The following HPS5 variants were observed in gnomAD, a reference collection of about 807,000 sequenced individuals.
The protein encoded by HPS5 is HPS5 biogenesis of lysosomal organelles complex 2 subunit 2.
A neutral mutation model predicts 128.0 loss-of-function variants in HPS5; 83 were observed. The ratio of observed to expected loss-of-function variants is 0.65; its 90% CI spans 0.54 to 0.78. The LOEUF (loss-of-function observed/expected upper bound fraction) is 0.78. Among genes scored for constraint, HPS5 ranks in the 30% least tolerant of loss-of-function variants. The pLI, the probability that HPS5 is intolerant of heterozygous loss-of-function variation, is 0.00. For synonymous variants in HPS5, 475 were observed against 470.2 expected (o/e 1.01, Z -0.13); for missense variants, 1,281 against 1,326.2 (o/e 0.97, Z 0.53).
chr11:18,306,039 A>C (rs1339164278), intron 7 of HPS5, 96 bp downstream of exon 7: 1 of 971,370 alleles, frequency 1.0e-6, no homozygotes, highest in Non-Finnish European at 1.7e-6. Context: ...GCCAGGTATA[A>C]TAAAATCTTT....
At position 18,308,997 on chromosome 11, in the gene HPS5, C is replaced by G. The variant is rs776638457; in HGVS notation, c.560G>C (p.Gly187Ala). The change falls in exon 6 of 23, where the codon GGA becomes GCA. Residue 187 changes from glycine to alanine, a missense_variant. By Grantham distance (60) the Gly-to-Ala change is moderately conservative. Coordinates refer to ENST00000349215, the MANE Select transcript of HPS5 (RefSeq NM_181507.2). ...SCVVQLDYLD[G>A]RLLISSLTRS... ...AGTAAGTGAAGATATAAGTAGCCTT[C>G]CATCCAAATAATCTAACTGTACAAC... 2.5e-6 allele frequency: 4 copies of G among 1,613,846 alleles called. No individual in the cohort carries two copies. In the South Asian group the frequency reaches 4.4e-5, roughly 18 times the overall value.
In HPS5 at chr11:18,296,059, C is replaced by T. The variant is rs140305063; in HGVS notation, c.1574G>A (p.Gly525Asp). 7 of 1,613,046 alleles carry T rather than the reference C, an allele frequency of 4.3e-6. No individual in the cohort carries two copies. The African/African-American group carries it at 9.3e-5, about 22-fold the overall frequency. ...TDKNETFLPF[G>D]IPLPFRSPSP... ...TGGAGAACGAAATGGTAATGGAATG[C>T]CGAACGGGAGAAAAGTTTCATTCTT... is the stretch of plus-strand genomic sequence containing the variant. Residue 525 changes from glycine (G) to aspartate (D), a missense_variant, in exon 13 of 23, where the codon GGC (glycine) becomes GAC (aspartate). Transcript: ENST00000349215.
intron 8 of HPS5, among the ~76,000 whole-genome samples, chr11:18,301,474 A>AG (rs993422403): frequency 1.3e-5 from 2 of 150,962 alleles, no homozygotes; most frequent in African/African-American, 2.4e-5. Flanking sequence ...AAAAAAAAAA[A>AG]AAAGAAAGAA....
intron 16 of HPS5, 103 bp from the exon 17 acceptor site, chr11:18,288,116 G>A: frequency 7.9e-7 from 1 of 1,260,790 alleles, no homozygotes; most frequent in Non-Finnish European, 1.1e-6. Flanking sequence ...TACCTACTGT[G>A]TGGACCTATT....
chr11:18,317,833 T>C lies in HPS5; in HGVS notation c.26A>G (p.Glu9Gly), dbSNP rs1218282688. 6.2e-7 allele frequency: 1 copy of C among 1,613,720 alleles called. No homozygotes were observed. The highest frequency in any genetic ancestry group is 8.5e-7 in the Non-Finnish European group (1 of 1,179,798). The change falls in exon 2 of 23, where the codon GAG becomes GGG. Residue 9 changes from glutamate to glycine, a missense_variant. Coordinates refer to ENST00000349215, the MANE Select transcript of HPS5 (RefSeq NM_181507.2). Reference protein sequence around the residue: MAFVPVIPESYSHVLAEFE... With the variant: MAFVPVIPGSYSHVLAEFE... ...CTCTGCAAGAACATGGCTGTAGGAC[T>C]CTGGTATCACTGGCACAAAAGCCAT...
At chr11:18,320,070 T>G (rs74986436) in intron 1 of HPS5, among the ~76,000 whole-genome samples, 1,964 of 151,922 alleles carry the variant, frequency 0.013, 27 homozygotes, top group African/African-American at 0.038. Flanking sequence ...TGCGGGGGTG[T>G]GCAGGGGGAC....
Position 18,287,605 on chromosome 11 carries a change from A to T in HPS5, c.2647T>A (p.Cys883Ser), listed in dbSNP as rs1280607253. The T allele has an allele frequency of 1.9e-6, 3 of 1,614,212 alleles. No individual in the cohort carries two copies. Residue 883 changes from cysteine to serine, a missense_variant, in exon 18 of 23, where the codon TGT (cysteine) becomes AGT (serine). Coordinates refer to ENST00000349215, the MANE Select transcript of HPS5 (RefSeq NM_181507.2). ...AAAAACTCAGCAGGATGATGATGAC[A>T]AAGTTGTATGATATCCGATGGCAAA... The part of the protein sequence containing the change: ...SILPSDIIQL[C>S]HHHPAEFLAY...
Position 18,297,737 on chromosome 11 carries a change from A to G in HPS5, c.1165-20T>C, listed in dbSNP as rs116858625. The G allele has an allele frequency of 2.8e-3, 4,584 of 1,608,444 alleles. 159 individuals carry two copies. In the Admixed American group the frequency reaches 0.065, roughly 23 times the overall value. Reference sequence around the variant, plus strand: ...TCTTGCCTAATAAAACAACAGCGCAATGGAATAGCTATTTGTAGGTAAATC... The same window carrying G: ...TCTTGCCTAATAAAACAACAGCGCAGTGGAATAGCTATTTGTAGGTAAATC... On this transcript the variant is annotated intron_variant, in intron 10 of 22. Coordinates refer to ENST00000349215, the MANE Select transcript of HPS5 (RefSeq NM_181507.2).
Position 18,296,788 on chromosome 11 carries a change from C to T in HPS5, c.1510+10G>A, listed in dbSNP as rs763401995. ...TCACATCAGGAACCAACAACAGACA[C>T]ATTCATCACCTTCATTTCCGTGTGA... On this transcript the variant is annotated intron_variant, in intron 12 of 22. Coordinates refer to ENST00000349215, the MANE Select transcript of HPS5 (RefSeq NM_181507.2). The T allele has an allele frequency of 1.9e-6, 3 of 1,613,392 alleles. No individual in the cohort carries two copies. In the Admixed American group the frequency reaches 5.0e-5, roughly 27 times the overall value.
In HPS5 at chr11:18,279,827, G is replaced by C. The variant is rs56325867; in HGVS notation, c.*55C>G. 2.6e-6 allele frequency: 4 copies of C among 1,519,766 alleles called. No homozygotes were observed. The East Asian group carries it at 9.0e-5, about 34-fold the overall frequency. 94.1% of individuals were successfully genotyped at this position (1,519,766 alleles called of 1,614,324 possible). A position where few individuals can be genotyped will look rare whatever the true frequency, so the allele number is the denominator to read the frequency against. ...TAACAAATGCGTTCAGAAGGTTCAG[G>C]AGCATGATTTAGTTTTTCTCAAAAT... is the stretch of plus-strand genomic sequence containing the variant. On this transcript the variant is annotated 3_prime_UTR_variant, in exon 23 of 23. Coordinates refer to ENST00000349215, the MANE Select transcript of HPS5 (RefSeq NM_181507.2).
intron 8 of HPS5, among the ~76,000 whole-genome samples, chr11:18,303,616 G>A (rs1861990356): frequency 6.6e-6 from 1 of 152,176 alleles, no homozygotes; most frequent in African/African-American, 2.4e-5. Context: ...ACTTTGGGAA[G>A]CCGATGCAGG....
Position 18,283,822 on chromosome 11 carries a change from C to A in HPS5, c.3031G>T (p.Asp1011Tyr). Residue 1011 changes from aspartate to tyrosine, a missense_variant, in exon 21 of 23, where the codon GAT becomes TAT. Transcript: ENST00000349215. ...EAFTNIVYLN[D>Y]MSLMEGDNGW... ...TTGTCCCCTTCCATCAGGCTCATAT[C>A]ATTCAGATACACAATATTGGTGAAG... 2 of 1,611,610 alleles carry A rather than the reference C, an allele frequency of 1.2e-6. No individual in the cohort carries two copies. Among genetic ancestry groups the A allele is most frequent in the East Asian group, 2.2e-5 (1 of 44,842 alleles).
chr11:18,303,571 T>C (rs928493392), intron 8 of HPS5, among the ~76,000 whole-genome samples: 1 of 152,128 alleles, frequency 6.6e-6, no homozygotes, highest in Non-Finnish European at 1.5e-5. Context: ...GCTAAGTGTA[T>C]TGTGGCCCGA....
intron 6 of HPS5, 38 bp from the exon 7 acceptor site, chr11:18,306,385 CAA>C: frequency 6.7e-7 from 1 of 1,498,170 alleles, no homozygotes; most frequent in African/African-American, 1.4e-5. Flanking sequence ...GATTTACTTA[CAA>C]AAAAAAGTCA....
intron 8 of HPS5, among the ~76,000 whole-genome samples, chr11:18,301,973 C>G (rs1263043032): frequency 2.6e-5 from 4 of 152,046 alleles, no homozygotes; most frequent in Admixed American, 1.3e-4. Flanking sequence ...AACCTACTCA[C>G]TATTATCTGG....
intron 6 of HPS5, 23 bp from the exon 7 acceptor site, chr11:18,306,370 AAGC>A (rs1386432048): frequency 1.3e-6 from 2 of 1,578,696 alleles, no homozygotes; most frequent in Non-Finnish European, 1.7e-6. Flanking sequence ...AAGGAAGAGA[AAGC>A]AGATTTACTT....
rs1387518709 is a variant in HPS5 at position 18,278,934 on chromosome 11, A to C, written c.*948T>G. 6.6e-6 allele frequency: 1 copy of C among 152,426 alleles called. No homozygotes were observed. Among genetic ancestry groups the C allele is most frequent in the Admixed American group, 6.5e-5 (1 of 15,290 alleles). The allele number at this position is 152,426 out of a possible 1,614,324, so 9.4% of individuals were successfully genotyped here. A position where few individuals can be genotyped will look rare whatever the true frequency, so the allele number is the denominator to read the frequency against. On this transcript the variant is annotated 3_prime_UTR_variant, in exon 23 of 23. Coordinates refer to ENST00000349215, the MANE Select transcript of HPS5 (RefSeq NM_181507.2). ...TAGAAATAATTTTAAAAAGTGCATG[A>C]TTCTTGTGGGCTACTCTGTTTAGGA... is the stretch of plus-strand genomic sequence containing the variant.
intron 14 of HPS5, among the ~76,000 whole-genome samples, chr11:18,294,801 C>A (rs1471694860): frequency 6.6e-6 from 1 of 151,886 alleles, no homozygotes. Context: ...ACATAAAATA[C>A]ACTAACATTA....
In HPS5 at chr11:18,279,524, G is replaced by A; in HGVS notation, c.*358C>T. 3.8e-6 allele frequency: 1 copy of A among 259,766 alleles called. No individual in the cohort carries two copies. The highest frequency in any genetic ancestry group is 7.5e-6 in the Non-Finnish European group (1 of 133,438). 16.1% of individuals were successfully genotyped at this position (259,766 alleles called of 1,614,324 possible). A position where few individuals can be genotyped will look rare whatever the true frequency, so the allele number is the denominator to read the frequency against. The stretch of plus-strand genomic sequence containing the variant: ...ATGAAAAGCTTCTGCTCCCAACATG[G>A]AAGCCACAGTAAGAAAAGAATCTGT... On this transcript the variant is annotated 3_prime_UTR_variant, in exon 23 of 23. Coordinates refer to ENST00000349215, the MANE Select transcript of HPS5 (RefSeq NM_181507.2).
Sources: allele counts gnomAD v4.1 joint callset (sites outside exome capture counted in the v4.1 genomes callset), GRCh38; gene constraint gnomAD v4.1.1; transcripts MANE v1.5; gene names NCBI Gene and HGNC (gene_info 2026-07-23, HGNC 2026-07-21).